Variants in OSMR observed in about 807,000 individuals in gnomAD.
OSMR encodes the protein oncostatin M receptor.
Under a neutral mutation model 99.9 loss-of-function variants are expected in OSMR, and 81 were observed. The ratio of observed to expected loss-of-function variants is 0.81; its 90% CI spans 0.68 to 0.97. The LOEUF is 0.97. OSMR is among the 50% of genes least tolerant of loss of function. The pLI is 0.00. For synonymous variants in OSMR, 406 were observed against 410.4 expected (o/e 0.99, Z 0.13); for missense variants, 1,099 against 1,153.4 (o/e 0.95, Z 0.68).
chr5:38,943,156 G>GT, intron 1 of OSMR: 5 of 364,618 alleles, frequency 1.4e-5, no homozygotes, highest in East Asian at 1.1e-4. Flanking sequence ...TTCTGAGTTT[G>GT]GGTTTTTTTT....
At chr5:38,877,280 A>G (rs1742913949) in intron 3 of OSMR, among the ~76,000 whole-genome samples, 1 of 152,196 alleles carries the variant, frequency 6.6e-6, no homozygotes, top group Admixed American at 6.5e-5. Context: ...GTACACACAT[A>G]CAGCATGGTT....
intron 2 of OSMR, among the ~76,000 whole-genome samples, chr5:38,874,618 C>G (rs961649487): frequency 6.6e-6 from 1 of 152,148 alleles, no homozygotes; most frequent in Admixed American, 6.5e-5. Context: ...TCACCTGTGT[C>G]CTGACCATGG....
chr5:38,849,532 A>C (rs1489306688), intron 1 of OSMR, among the ~76,000 whole-genome samples: 2 of 151,910 alleles, frequency 1.3e-5, no homozygotes, highest in Non-Finnish European at 2.9e-5. Flanking sequence ...TGTTTTTGAA[A>C]ATCTTGTGGT....
chr5:38,851,316 A>G (rs534612649), intron 1 of OSMR, among the ~76,000 whole-genome samples: 5 of 152,258 alleles, frequency 3.3e-5, no homozygotes, highest in African/African-American at 9.6e-5. Flanking sequence ...CTCTAAATTT[A>G]TAACTTAGTA....
chr5:38,850,476 C>A lies in OSMR; in HGVS notation c.-14+4089C>A, dbSNP rs369558548. On this transcript the variant is annotated intron_variant, in intron 1 of 17. Coordinates refer to ENST00000274276, the MANE Select transcript of OSMR (RefSeq NM_003999.3). ...GCTAAATAGAATACCTAGCTCTGTT[C>A]TTAGATCTAGAGTCATTGAGGCAAT... Among the ~76,000 whole-genome samples, 5 of 152,074 alleles carry A rather than the reference C, an allele frequency of 3.3e-5. No homozygotes were observed. The East Asian group carries it at 7.7e-4, about 23-fold the overall frequency.
chr5:38,942,721 G>T, intron 1 of OSMR: 3 of 840,248 alleles, frequency 3.6e-6, no homozygotes, highest in Non-Finnish European at 5.7e-6. Context: ...CCCACAAAGT[G>T]CTGGGATTGT....
downstream of OSMR, chr5:38,940,130 TAA>T (rs1554057737): frequency 2.0e-4 from 17 of 86,392 alleles, no homozygotes; most frequent in Non-Finnish European, 2.3e-4. Context: ...AAAGTAACAG[TAA>T]AAAAAAAAAA....
chr5:38,880,796 C>T (rs985424992), intron 3 of OSMR, among the ~76,000 whole-genome samples: 18 of 152,162 alleles, frequency 1.2e-4, no homozygotes, highest in African/African-American at 4.1e-4. Context: ...CCTTGCATGA[C>T]AGGGCAAGGT....
intron 2 of OSMR, 50 bp downstream of exon 2, chr5:38,869,167 G>T: frequency 7.6e-7 from 1 of 1,312,318 alleles, no homozygotes; most frequent in Non-Finnish European, 1.1e-6. Context: ...GGGAACAAAT[G>T]AAGTCATTGA....
chr5:38,927,094 T>C (rs1018870838), intron 15 of OSMR, among the ~76,000 whole-genome samples: 2 of 152,262 alleles, frequency 1.3e-5, no homozygotes, highest in African/African-American at 2.4e-5. Flanking sequence ...ATGCAAGAGA[T>C]AGGCTCCTGT....
chr5:38,934,291 C>G lies in OSMR; in HGVS notation c.*847C>G, dbSNP rs967165790. 9.8e-5 allele frequency: 15 copies of G among 152,504 alleles called. No homozygotes were observed. Among genetic ancestry groups the G allele is most frequent in the African/African-American group, 3.6e-4 (15 of 41,398 alleles). The allele number at this position is 152,504 out of a possible 1,614,324, so 9.4% of individuals were successfully genotyped here. A position where few individuals can be genotyped will look rare whatever the true frequency, so the allele number is the denominator to read the frequency against. On this transcript the variant is annotated 3_prime_UTR_variant, in exon 18 of 18. Coordinates refer to ENST00000274276, the MANE Select transcript of OSMR (RefSeq NM_003999.3). ...CTTTCAAGAACTATATATAAATGAC[C>G]TGTTTTCACTTAGCATCCTTTGGAC...
At chr5:38,923,983 A>G (rs143562415) in intron 13 of OSMR, among the ~76,000 whole-genome samples, 80 of 152,338 alleles carry the variant, frequency 5.3e-4, no homozygotes, top group Middle Eastern at 3.4e-3. Context: ...ACTAGAGTTC[A>G]TCAAATCCCC....
chr5:38,919,270 G>A, intron 11 of OSMR: 1 of 1,509,116 alleles, frequency 6.6e-7, no homozygotes, highest in Non-Finnish European at 8.9e-7. Flanking sequence ...TTCAGCCATG[G>A]CTCAGGACAT....
chr5:38,852,897 A>AT (rs1314957092), intron 1 of OSMR, among the ~76,000 whole-genome samples: 1 of 150,452 alleles, frequency 6.6e-6, no homozygotes, highest in Admixed American at 6.6e-5. Context: ...CGCCCGGCTA[A>AT]TTTTTTGTAT....
At position 38,872,573 on chromosome 5, in the gene OSMR, T is replaced by A. The variant is rs951085496; in HGVS notation, c.73+3456T>A. Reference sequence around the variant, plus strand: ...ATTCTGAGGTATGATTATAGTGGAGTGAATCAGATAGCTTAAGGAAGTATT... The same window carrying A: ...ATTCTGAGGTATGATTATAGTGGAGAGAATCAGATAGCTTAAGGAAGTATT... On this transcript the variant is annotated intron_variant, in intron 2 of 17. Transcript: ENST00000274276. 4.6e-5 allele frequency among the ~76,000 whole-genome samples: 7 copies of A among 152,148 alleles called. No homozygotes were observed. The East Asian group carries it at 1.3e-3, about 29-fold the overall frequency.
At chr5:38,871,291 A>T (rs1846983) in intron 2 of OSMR, among the ~76,000 whole-genome samples, 14,983 of 152,222 alleles carry the variant, frequency 0.098, 1,900 homozygotes, top group African/African-American at 0.29. Context: ...TCTGCTGCTC[A>T]TGCTTTCAGC....
chr5:38,917,646 T>C (rs1348605238), intron 10 of OSMR, 24 bp downstream of exon 10: 5 of 1,579,128 alleles, frequency 3.2e-6, no homozygotes, highest in Non-Finnish European at 4.4e-6. Flanking sequence ...ATTCCAAAAG[T>C]CTGATTGTTT....
At chr5:38,932,758 A>G in intron 17 of OSMR, 114 bp from the exon 18 acceptor site, 1 of 1,542,950 alleles carries the variant, frequency 6.5e-7, no homozygotes, top group Non-Finnish European at 8.7e-7. Context: ...TGTGACCAGG[A>G]AGAAACATGA....
At chr5:38,943,985 A>T (rs752763425) in intron 1 of OSMR, among the ~76,000 whole-genome samples, 6 of 152,298 alleles carry the variant, frequency 3.9e-5, no homozygotes, top group Middle Eastern at 3.4e-3. Context: ...TTACTTTCTT[A>T]AAAATTACTG....
Sources: gnomAD v4.1 joint callset for allele counts (sites outside exome capture counted in the v4.1 genomes callset) on GRCh38, gnomAD v4.1.1 for gene constraint, MANE v1.5 for transcripts, NCBI Gene and HGNC (gene_info 2026-07-23, HGNC 2026-07-21) for gene names.